Variants in TASP1 observed in about 807,000 individuals in gnomAD.
The protein encoded by TASP1 is threonine aspartase 1.
TASP1 carries 16 observed loss-of-function variants against 56.6 expected under a neutral mutation model. The ratio of observed to expected loss-of-function variants is 0.28; its 90% CI spans 0.19 to 0.43. The LOEUF is 0.43. TASP1 is among the 20% of genes least tolerant of loss of function. TASP1 has a pLI of 1.00. For missense variants in TASP1, 393 were observed against 511.6 expected, an observed-to-expected ratio of 0.77 and a Z score of 2.24; for synonymous variants, 179 against 184.2, an observed-to-expected ratio of 0.97 and a Z score of 0.23.
At chr20:13,500,889 T>A (rs1303390492) in intron 10 of TASP1, among the ~76,000 whole-genome samples, 2 of 151,706 alleles carry the variant, frequency 1.3e-5, no homozygotes, top group Admixed American at 1.3e-4. Flanking sequence ...CCCAATAACC[T>A]CAGAAAACTC....
the TASP1 span, among the ~76,000 whole-genome samples, chr20:13,335,245 CA>C: frequency 6.6e-6 from 1 of 151,670 alleles, no homozygotes; most frequent in Non-Finnish European, 1.5e-5. Context: ...ATAGATAAAG[CA>C]AAGGTGAAGT....
At chr20:13,112,851 C>G in the TASP1 span, among the ~76,000 whole-genome samples, 1 of 152,162 alleles carries the variant, frequency 6.6e-6, no homozygotes, top group Admixed American at 6.6e-5. Context: ...AAAGGAAAAG[C>G]CTTTATACAG....
At chr20:13,317,211 G>A in the TASP1 span, among the ~76,000 whole-genome samples, 1 of 118,294 alleles carries the variant, frequency 8.5e-6, no homozygotes, top group African/African-American at 3.2e-5. Context: ...AAATCCTTAG[G>A]TATAAACCTA....
At chr20:13,198,131 T>C in the TASP1 span, among the ~76,000 whole-genome samples, 13 of 152,212 alleles carry the variant, frequency 8.5e-5, no homozygotes, top group Admixed American at 8.5e-4. Flanking sequence ...ATATAACAAA[T>C]GTTTTGGAAT....
At chr20:13,135,179 T>G in the TASP1 span, among the ~76,000 whole-genome samples, 1 of 152,224 alleles carries the variant, frequency 6.6e-6, no homozygotes, top group Non-Finnish European at 1.5e-5. Context: ...TAATAATTAT[T>G]TAAATTGTCT....
chr20:13,390,992 CG>C (rs1413865886), intron 13 of TASP1, among the ~76,000 whole-genome samples: 3 of 152,048 alleles, frequency 2.0e-5, no homozygotes, highest in East Asian at 1.9e-4. Context: ...AAGGTAAAGA[CG>C]GAAGTGGGGC....
rs1365335519 is a variant in TASP1 at position 13,569,552 on chromosome 20, C to T, written c.523G>A (p.Val175Ile). ...LVGEGAYRWA[V>I]DHGIPSCPPN... ...GGGCAAGAGGGTATTCCATGATCTA[C>T]TGCCCATCTGTAGGCTCCTTCTCCA... The change falls in exon 7 of 14, where the codon GTA (valine) becomes ATA (isoleucine). Residue 175 changes from valine to isoleucine, a missense_variant. Coordinates refer to ENST00000337743, the MANE Select transcript of TASP1 (RefSeq NM_017714.3). 6.2e-7 allele frequency: 1 copy of T among 1,612,556 alleles called. No individual in the cohort carries two copies. Among genetic ancestry groups the T allele is most frequent in the African/African-American group, 1.3e-5 (1 of 74,976 alleles).
the TASP1 span, among the ~76,000 whole-genome samples, chr20:13,136,370 G>A: frequency 6.6e-6 from 1 of 152,066 alleles, no homozygotes; most frequent in African/African-American, 2.4e-5. Flanking sequence ...GCCAAGGCAG[G>A]TGGATCACCC....
intron 4 of TASP1, among the ~76,000 whole-genome samples, chr20:13,611,622 C>T (rs887102586): frequency 1.3e-5 from 2 of 152,140 alleles, no homozygotes; most frequent in African/African-American, 2.4e-5. Flanking sequence ...GACCATTAAA[C>T]CATACATTCA....
intron 11 of TASP1, among the ~76,000 whole-genome samples, chr20:13,442,778 T>G (rs1185589461): frequency 6.6e-6 from 1 of 152,064 alleles, no homozygotes; most frequent in African/African-American, 2.4e-5. Flanking sequence ...TATGAGTTCA[T>G]CCAATTATTT....
At chr20:13,298,867 T>C in the TASP1 span, 3 of 1,477,788 alleles carry the variant, frequency 2.0e-6, no homozygotes, top group Non-Finnish European at 1.8e-6. Context: ...CAGCCTGGTG[T>C]CACATGCTCC....
chr20:13,116,853 A>G, the TASP1 span, among the ~76,000 whole-genome samples: 1 of 152,196 alleles, frequency 6.6e-6, no homozygotes, highest in Admixed American at 6.5e-5. Context: ...GTAGGAGTCT[A>G]GCAATCTGTG....
intron 5 of TASP1, among the ~76,000 whole-genome samples, chr20:13,585,626 C>A (rs2047275870): frequency 6.6e-6 from 1 of 152,156 alleles, no homozygotes; most frequent in Admixed American, 6.5e-5. Flanking sequence ...TTGAATACCA[C>A]TACACACATA....
At chr20:13,528,178 G>A (rs1033092079) in intron 10 of TASP1, among the ~76,000 whole-genome samples, 3 of 127,474 alleles carry the variant, frequency 2.4e-5, no homozygotes, top group African/African-American at 9.1e-5. Flanking sequence ...AGCCAAGATC[G>A]CACCACTGCT....
chr20:13,618,711 C>T (rs1245851872), intron 4 of TASP1, among the ~76,000 whole-genome samples: 2 of 152,162 alleles, frequency 1.3e-5, no homozygotes, highest in African/African-American at 4.8e-5. Flanking sequence ...CATGAATTAG[C>T]ATCTCCCCTG....
At chr20:13,128,326 G>A in the TASP1 span, among the ~76,000 whole-genome samples, 1 of 152,270 alleles carries the variant, frequency 6.6e-6, no homozygotes, top group East Asian at 1.9e-4. Context: ...GGGAGGTTTT[G>A]CCACCATAAC....
intron 4 of TASP1, among the ~76,000 whole-genome samples, chr20:13,594,681 G>C (rs538139354): frequency 7.2e-5 from 11 of 152,128 alleles, no homozygotes; most frequent in Non-Finnish European, 1.5e-4. Flanking sequence ...AGAGAAAAAA[G>C]AGTAAAAAGA....
At chr20:13,302,587 G>GCAGAGTA in the TASP1 span, among the ~76,000 whole-genome samples, 1 of 152,232 alleles carries the variant, frequency 6.6e-6, no homozygotes, top group African/African-American at 2.4e-5. Flanking sequence ...TTTGCCTGCA[G>GCAGAGTA]CAGAGTAAGG....
chr20:13,126,862 G>A, the TASP1 span: 107 of 1,163,578 alleles, frequency 9.2e-5, no homozygotes, highest in South Asian at 3.0e-4. Flanking sequence ...CAAAACTGCC[G>A]TTAGCACACC....
Sources: allele counts gnomAD v4.1 joint callset (sites outside exome capture counted in the v4.1 genomes callset), GRCh38; gene constraint gnomAD v4.1.1; transcripts MANE v1.5; gene names NCBI Gene and HGNC (gene_info 2026-07-23, HGNC 2026-07-21).